Variants in SETBP1 observed in about 807,000 individuals in gnomAD.
The protein encoded by SETBP1 is SET-binding protein.
In SETBP1, 9 loss-of-function variants were observed where a neutral mutation model predicts 101.0. That is an observed-to-expected ratio of 0.09 (90% confidence interval 0.05 to 0.16). The LOEUF is 0.16. SETBP1 is among the 10% of genes least tolerant of loss of function. The pLI, the probability that SETBP1 is intolerant of heterozygous loss-of-function variation, is 1.00. For synonymous variants in SETBP1, 818 were observed against 788.5 expected, an observed-to-expected ratio of 1.04 and a Z score of -0.63; for missense variants, 1,858 against 2,033.8, an observed-to-expected ratio of 0.91 and a Z score of 1.66.
chr18:44,948,644 C>T (rs1348779823), intron 3 of SETBP1, among the ~76,000 whole-genome samples: 1 of 152,158 alleles, frequency 6.6e-6, no homozygotes, highest in Non-Finnish European at 1.5e-5. Flanking sequence ...AGTTCTTAGG[C>T]TAATGCATCC....
chr18:44,838,554 G>A (rs1161346910), intron 2 of SETBP1, among the ~76,000 whole-genome samples: 1 of 152,166 alleles, frequency 6.6e-6, no homozygotes, highest in Non-Finnish European at 1.5e-5. Flanking sequence ...AGCCCTTGGG[G>A]TGTGAAGGTG....
intron 2 of SETBP1, 98 bp downstream of exon 2, chr18:44,701,930 C>A: frequency 7.1e-7 from 1 of 1,399,602 alleles, no homozygotes; most frequent in Non-Finnish European, 9.7e-7. Flanking sequence ...ATATTTGACT[C>A]TAGAACAACG....
chr18:44,917,943 G>T (rs547077205), intron 3 of SETBP1, among the ~76,000 whole-genome samples: 9 of 152,160 alleles, frequency 5.9e-5, no homozygotes, highest in Non-Finnish European at 1.2e-4. Context: ...CAGCGAGCTT[G>T]TGTCTCACCT....
intron 2 of SETBP1, among the ~76,000 whole-genome samples, chr18:44,821,264 C>A (rs1336333647): frequency 1.3e-5 from 2 of 152,214 alleles, no homozygotes; most frequent in African/African-American, 4.8e-5. Flanking sequence ...GGCTCCCTGT[C>A]CTCTACAGAA....
chr18:44,880,037 A>T (rs1201868270), intron 3 of SETBP1, among the ~76,000 whole-genome samples: 1 of 152,218 alleles, frequency 6.6e-6, no homozygotes, highest in Non-Finnish European at 1.5e-5. Context: ...TTTGGCTCCT[A>T]CCCTGTGGAA....
chr18:44,742,968 TCTCC>T lies in SETBP1; in HGVS notation c.486+41138_486+41141del, dbSNP rs1464080164. 2.5e-5 allele frequency among the ~76,000 whole-genome samples: 3 copies of T among 118,840 alleles called. No individual in the cohort carries two copies. The East Asian group carries it at 8.3e-4, about 33-fold the overall frequency. 78.0% of individuals were successfully genotyped at this position (118,840 alleles called of 152,430 possible). A position where few individuals can be genotyped will look rare whatever the true frequency, so the allele number is the denominator to read the frequency against. On this transcript the variant is annotated intron_variant, in intron 2 of 5. Coordinates refer to ENST00000649279, the MANE Select transcript of SETBP1 (RefSeq NM_015559.3). ...CTCCTTCTCTCTCTCTCTCTCTCTC[TCTCC>T]CCCCCTGTCCCGTTACCCCTTTCTG...
chr18:45,020,339 T>TC (rs975412913), intron 4 of SETBP1, among the ~76,000 whole-genome samples: 10 of 143,370 alleles, frequency 7.0e-5, no homozygotes, highest in African/African-American at 2.6e-4. Flanking sequence ...TCCTTCTGAG[T>TC]CACTTTTACT....
intron 2 of SETBP1, among the ~76,000 whole-genome samples, chr18:44,797,774 A>AT (rs745983630): frequency 1.7e-3 from 260 of 150,710 alleles, no homozygotes; most frequent in East Asian, 6.2e-3. Flanking sequence ...GCAATTAGAG[A>AT]TTTTTTTTTT....
chr18:44,879,188 A>G (rs545397990), intron 3 of SETBP1, among the ~76,000 whole-genome samples: 122 of 152,342 alleles, frequency 8.0e-4, no homozygotes, highest in Middle Eastern at 3.4e-3. Flanking sequence ...AACAAAACAT[A>G]AATCTCTCCC....
chr18:44,762,504 G>C (rs546763430), intron 2 of SETBP1, among the ~76,000 whole-genome samples: 1 of 152,340 alleles, frequency 6.6e-6, no homozygotes, highest in African/African-American at 2.4e-5. Context: ...GCAGTGCTTA[G>C]AGCAGATAAC....
chr18:44,887,976 T>C (rs1306858506), intron 3 of SETBP1, among the ~76,000 whole-genome samples: 3 of 152,066 alleles, frequency 2.0e-5, no homozygotes, highest in Non-Finnish European at 4.4e-5. Context: ...AGCAAGACAG[T>C]AGAGCCAAGC....
At chr18:45,017,891 G>T (rs537256077) in intron 4 of SETBP1, among the ~76,000 whole-genome samples, 1 of 152,320 alleles carries the variant, frequency 6.6e-6, no homozygotes, top group East Asian at 1.9e-4. Context: ...TGCAAAGTTA[G>T]GAACCTGGGC....
intron 2 of SETBP1, among the ~76,000 whole-genome samples, chr18:44,780,890 G>C (rs942096187): frequency 6.6e-6 from 1 of 152,204 alleles, no homozygotes. Context: ...GAATGATGAC[G>C]AGTCAGCTAG....
rs566267018 is a variant in SETBP1, at chr18:44,869,044, G to A, written c.487-186G>A. 3.3e-5 allele frequency among the ~76,000 whole-genome samples: 5 copies of A among 152,252 alleles called. No homozygotes were observed. In the East Asian group the frequency reaches 9.7e-4, roughly 29 times the overall value. On this transcript the variant is annotated intron_variant, in intron 2 of 5. Transcript: ENST00000649279. ...AGAGAGAAGTGATGAAGTCAGAGAT[G>A]GAGCACAAAGTGGGAAGGCCATTGA...
At chr18:44,931,676 C>A (rs1029729921) in intron 3 of SETBP1, among the ~76,000 whole-genome samples, 4 of 152,092 alleles carry the variant, frequency 2.6e-5, no homozygotes, top group African/African-American at 9.7e-5. Context: ...TTGAGTTGAT[C>A]CCTTTACCAT....
chr18:44,999,452 T>C (rs1034025307), intron 4 of SETBP1, among the ~76,000 whole-genome samples: 2 of 152,216 alleles, frequency 1.3e-5, no homozygotes, highest in Non-Finnish European at 2.9e-5. Context: ...GTGTGCGTGA[T>C]GGGAAGGTGA....
intron 3 of SETBP1, among the ~76,000 whole-genome samples, chr18:44,904,017 A>G (rs1163968298): frequency 1.3e-5 from 2 of 152,196 alleles, no homozygotes; most frequent in Non-Finnish European, 2.9e-5. Context: ...ATTATCTTAC[A>G]TAAAATCTTC....
In SETBP1 at chr18:45,027,761, A is replaced by C. The variant is rs73474739; in HGVS notation, c.4001-10724A>C. 3.4e-3 allele frequency among the ~76,000 whole-genome samples: 513 copies of C among 152,292 alleles called. 4 individuals carry two copies. Among genetic ancestry groups the C allele is most frequent in the African/African-American group, 0.012 (481 of 41,568 alleles). On this transcript the variant is annotated intron_variant, in intron 4 of 5. Coordinates refer to ENST00000649279, the MANE Select transcript of SETBP1 (RefSeq NM_015559.3). ...CTTGCTGCCATAACAAATTTCCACA[A>C]ACTTAGTGGCTTAAACAACATAAAT...
In SETBP1 at chr18:45,063,496, T is replaced by TGCCGCCACC. The variant is rs777582770; in HGVS notation, c.4599_4607dup (p.Pro1535_Pro1537dup). The TGCCGCCACC allele has an allele frequency of 6.6e-6, 6 of 904,872 alleles. No homozygotes were observed. The highest frequency in any genetic ancestry group is 4.4e-5 in the African/African-American group (1 of 22,942). 56.1% of individuals were successfully genotyped at this position (904,872 alleles called of 1,614,324 possible). A position where few individuals can be genotyped will look rare whatever the true frequency, so the allele number is the denominator to read the frequency against. On this transcript the variant is annotated inframe_insertion, in exon 6 of 6. Coordinates refer to ENST00000649279, the MANE Select transcript of SETBP1 (RefSeq NM_015559.3). The stretch of plus-strand genomic sequence containing the variant: ...CTGCCCCCGCCACCGCCGCCGCCCC[T>TGCCGCCACC]GCCGCCACCGCCGCCACCACCCCTG...
Sources: allele counts gnomAD v4.1 joint callset (sites outside exome capture counted in the v4.1 genomes callset), GRCh38; gene constraint gnomAD v4.1.1; transcripts MANE v1.5; gene names NCBI Gene and HGNC (gene_info 2026-07-23, HGNC 2026-07-21).